Variants in PDE11A observed in about 807,000 individuals in gnomAD.
The protein encoded by PDE11A is phosphodiesterase 11A, also known as dual 3',5'-cyclic-AMP and -GMP phosphodiesterase 11A.
In PDE11A, 100 loss-of-function variants were observed where a neutral mutation model predicts 100.5. The ratio of observed to expected loss-of-function variants is 1.00; its 90% CI spans 0.85 to 1.18. The LOEUF (loss-of-function observed/expected upper bound fraction) is 1.18. PDE11A is among the 50% of genes most tolerant of loss of function. PDE11A has a pLI of 0.00. For synonymous variants in PDE11A, 381 were observed against 420.8 expected, an observed-to-expected ratio of 0.91 and a Z score of 1.16; for missense variants, 1,141 against 1,152.6, an observed-to-expected ratio of 0.99 and a Z score of 0.15.
At chr2:177,711,008 A>T (rs2081351758) in intron 13 of PDE11A, among the ~76,000 whole-genome samples, 1 of 152,252 alleles carries the variant, frequency 6.6e-6, no homozygotes, top group Admixed American at 6.5e-5. Context: ...TTGCAGGCAG[A>T]CAGTGAAAGA....
intron 19 of PDE11A, among the ~76,000 whole-genome samples, chr2:177,654,604 G>A (rs2080355463): frequency 1.3e-5 from 2 of 152,168 alleles, no homozygotes; most frequent in South Asian, 4.1e-4. Flanking sequence ...GACCAAAGCA[G>A]AATACACTCA....
intron 19 of PDE11A, among the ~76,000 whole-genome samples, chr2:177,657,674 G>A (rs1424805550): frequency 6.6e-6 from 1 of 151,730 alleles, no homozygotes; most frequent in South Asian, 2.1e-4. Flanking sequence ...AGAGAGGGGA[G>A]AGAAAGCAGA....
intron 2 of PDE11A, among the ~76,000 whole-genome samples, chr2:178,009,358 T>A (rs1355556386): frequency 1.3e-5 from 2 of 152,218 alleles, no homozygotes; most frequent in South Asian, 2.1e-4. Flanking sequence ...CTCTCCTGCA[T>A]GGTCTGCCTT....
intron 1 of PDE11A, chr2:178,018,236 CT>C: frequency 2.4e-6 from 1 of 410,546 alleles, no homozygotes. Flanking sequence ...CCAGCTGCTG[CT>C]TTGAATCCTT....
rs138137070 is a variant in PDE11A at position 177,784,455 on chromosome 2, C to G, written c.1738-15082G>C. On this transcript the variant is annotated intron_variant, in intron 9 of 19. Transcript: ENST00000286063. ...AGGATCCCTCAATTCTGGGAACTCT[C>G]AGCTGCTTTCCCAGAAAACTCATGA... Among the ~76,000 whole-genome samples the G allele has an allele frequency of 3.3e-3, 496 of 152,240 alleles. 4 individuals are homozygous for G. The East Asian group carries it at 0.046, about 14-fold the overall frequency.
At chr2:177,660,875 A>T (rs1009469901) in intron 19 of PDE11A, among the ~76,000 whole-genome samples, 1 of 152,232 alleles carries the variant, frequency 6.6e-6, no homozygotes, top group African/African-American at 2.4e-5. Context: ...AATGAAGTCA[A>T]AAAGCTGTAC....
chr2:177,884,078 C>T (rs1440728390), intron 4 of PDE11A, among the ~76,000 whole-genome samples: 3 of 152,142 alleles, frequency 2.0e-5, no homozygotes, highest in Admixed American at 2.0e-4. Flanking sequence ...CTCAAGGGCA[C>T]TGAGGTAAAG....
chr2:177,746,026 G>A (rs1483550330), intron 10 of PDE11A, among the ~76,000 whole-genome samples: 3 of 152,182 alleles, frequency 2.0e-5, no homozygotes, highest in South Asian at 2.1e-4. Context: ...TCTCCCAGGA[G>A]TCAGACCTGA....
intron 19 of PDE11A, among the ~76,000 whole-genome samples, chr2:177,659,084 C>T (rs1478263052): frequency 6.6e-6 from 1 of 151,868 alleles, no homozygotes; most frequent in Non-Finnish European, 1.5e-5. Flanking sequence ...CATGGTGAAA[C>T]CCCATCTCTA....
intron 9 of PDE11A, among the ~76,000 whole-genome samples, chr2:177,773,287 G>A (rs754483866): frequency 2.0e-5 from 3 of 152,172 alleles, no homozygotes; most frequent in Non-Finnish European, 4.4e-5. Context: ...TTACAGGCAT[G>A]AGCCACTGTG....
intron 1 of PDE11A, among the ~76,000 whole-genome samples, chr2:178,062,853 A>G (rs964784517): frequency 3.3e-5 from 5 of 152,200 alleles, no homozygotes; most frequent in East Asian, 1.9e-4. Flanking sequence ...ACAAAAACAT[A>G]AAGAAAGCCT....
chr2:177,727,276 C>T (rs1439410195), intron 12 of PDE11A, among the ~76,000 whole-genome samples: 1 of 152,130 alleles, frequency 6.6e-6, no homozygotes, highest in Non-Finnish European at 1.5e-5. Context: ...GATGTTCACA[C>T]CTCCCTACTG....
intron 10 of PDE11A, among the ~76,000 whole-genome samples, chr2:177,742,783 G>T (rs1211848137): frequency 6.6e-6 from 1 of 152,176 alleles, no homozygotes; most frequent in African/African-American, 2.4e-5. Context: ...GACAAGGCTA[G>T]GAAAGTAAAA....
intron 2 of PDE11A, chr2:177,998,363 C>G: frequency 2.4e-6 from 2 of 817,418 alleles, no homozygotes; most frequent in Non-Finnish European, 4.4e-6. Flanking sequence ...TTTGGCTGAA[C>G]AATGAACCTA....
chr2:178,028,278 G>T (rs772948253), intron 1 of PDE11A, among the ~76,000 whole-genome samples: 6 of 131,666 alleles, frequency 4.6e-5, no homozygotes, highest in Non-Finnish European at 7.8e-5. Context: ...CCTTGCAGAA[G>T]TTATATAGTC....
chr2:177,657,555 GA>G (rs2080408136), intron 19 of PDE11A, among the ~76,000 whole-genome samples: 2 of 152,114 alleles, frequency 1.3e-5, no homozygotes, highest in African/African-American at 4.8e-5. Flanking sequence ...GAAGAACACA[GA>G]GGAGACCATG....
At chr2:177,945,691 G>A (rs78643001) in intron 2 of PDE11A, among the ~76,000 whole-genome samples, 11,228 of 147,738 alleles carry the variant, frequency 0.076, 2 homozygotes, top group Non-Finnish European at 0.11. Flanking sequence ...GGTGAGGAGC[G>A]TCTCCGCCCG....
chr2:178,057,162 T>C (rs1433732015), intron 1 of PDE11A, among the ~76,000 whole-genome samples: 1 of 152,172 alleles, frequency 6.6e-6, no homozygotes, highest in Non-Finnish European at 1.5e-5. Context: ...TCACTGTCTT[T>C]GGAAATGTCA....
chr2:177,878,470 G>A (rs939530344), intron 4 of PDE11A, among the ~76,000 whole-genome samples: 9 of 152,142 alleles, frequency 5.9e-5, no homozygotes, highest in South Asian at 2.1e-4. Context: ...TGGAGCCCTC[G>A]GTCACCATGC....
Sources: allele counts gnomAD v4.1 joint callset (sites outside exome capture counted in the v4.1 genomes callset), GRCh38; gene constraint gnomAD v4.1.1; transcripts MANE v1.5; gene names NCBI Gene and HGNC (gene_info 2026-07-23, HGNC 2026-07-21).